CCL17: variants seen among roughly 807,000 people sequenced by gnomAD.
CCL17 encodes the protein C-C motif chemokine 17.
CCL17 carries 8 observed loss-of-function variants against 7.4 expected under a neutral mutation model. That is an observed-to-expected ratio of 1.09 (90% CI 0.64 to 1.96). The LOEUF (loss-of-function observed/expected upper bound fraction) is 1.96. Among genes scored for constraint, CCL17 ranks in the 30% most tolerant of loss-of-function variants. The pLI is 0.00. For synonymous variants in CCL17, 40 were observed against 46.1 expected (o/e 0.87, Z 0.54); for missense variants, 102 against 113.0 (o/e 0.90, Z 0.44).
At chr16:57,401,533 A>G (rs1305331162), upstream of CCL17, among the ~76,000 whole-genome samples, 6 of 152,110 alleles carry the variant, frequency 3.9e-5, no homozygotes, top group Non-Finnish European at 8.8e-5. Flanking sequence ...GGAAAAAAAA[A>G]AAAAAAGAAA....
In CCL17 at chr16:57,413,876, T is replaced by C; in HGVS notation, c.-57T>C. On this transcript the variant is annotated splice_region_variant and 5_prime_UTR_variant, in exon 2 of 4. Coordinates refer to ENST00000219244, the MANE Select transcript of CCL17 (RefSeq NM_002987.3). ...CTGCCACCCTCGACTCTCAGCAGGG[T>C]GTCTCCCTGAGCAGAGGGACCTGCA... The C allele has an allele frequency of 2.7e-6, 4 of 1,480,972 alleles. No individual in the cohort carries two copies. The highest frequency in any genetic ancestry group is 2.5e-5 in the South Asian group (2 of 81,598). The allele number at this position is 1,480,972 out of a possible 1,614,324, so 91.7% of individuals were successfully genotyped here. A position where few individuals can be genotyped will look rare whatever the true frequency, so the allele number is the denominator to read the frequency against.
At chr16:57,403,829 G>A (rs1902656853), upstream of CCL17, among the ~76,000 whole-genome samples, 1 of 148,426 alleles carries the variant, frequency 6.7e-6, no homozygotes, top group Non-Finnish European at 1.5e-5. Flanking sequence ...GCTGATTTTT[G>A]TATTTTTAGT....
intron 1 of CCL17, among the ~76,000 whole-genome samples, chr16:57,407,895 C>T (rs138961953): frequency 2.5e-3 from 385 of 151,994 alleles, no homozygotes; most frequent in African/African-American, 9.0e-3. Context: ...ATCTACCCAT[C>T]CGTTCATCCA....
chr16:57,410,714 C>T (rs1443700312), intron 1 of CCL17, among the ~76,000 whole-genome samples: 2 of 152,202 alleles, frequency 1.3e-5, no homozygotes, highest in South Asian at 2.1e-4. Flanking sequence ...GGGATAAACT[C>T]GGTTAATCCC....
rs756675857 is a variant in CCL17, at chr16:57,415,205, C to A, written c.188+7C>A. The A allele has an allele frequency of 6.4e-7, 1 of 1,553,666 alleles. No individual in the cohort carries two copies. The highest frequency in any genetic ancestry group is 8.9e-7 in the Non-Finnish European group (1 of 1,124,938). On this transcript the variant is annotated splice_region_variant and intron_variant, in intron 3 of 3. Transcript: ENST00000219244. This position sits in a 1 kb window ranked among gnomAD's most constrained non-coding sequence, Gnocchi z 4.5. ...GCTCCAGGGATGCCATCGTGTAAGT[C>A]CCCCTGGCTCCACCCCTGCTCCTCA... is the stretch of plus-strand genomic sequence containing the variant.
chr16:57,398,458 T>C, the CCL17 span, among the ~76,000 whole-genome samples: 5 of 152,344 alleles, frequency 3.3e-5, no homozygotes, highest in South Asian at 6.2e-4. Context: ...TTTTGAAGGC[T>C]GTTTCTGCCT....
At chr16:57,397,943 G>T in the CCL17 span, among the ~76,000 whole-genome samples, 1 of 152,150 alleles carries the variant, frequency 6.6e-6, no homozygotes, top group Non-Finnish European at 1.5e-5. Context: ...GTCAGGATTA[G>T]CTAAGGGGAC....
At chr16:57,409,108 G>A (rs1902745265) in intron 1 of CCL17, among the ~76,000 whole-genome samples, 1 of 152,226 alleles carries the variant, frequency 6.6e-6, no homozygotes, top group Admixed American at 6.5e-5. Context: ...AGTCTTTTGT[G>A]TGAGTCCCAA....
the CCL17 span, among the ~76,000 whole-genome samples, chr16:57,399,243 A>G: frequency 3.3e-5 from 5 of 152,126 alleles, no homozygotes; most frequent in South Asian, 6.2e-4. Context: ...ACCTGTTTCC[A>G]GGTGCTTATA....
At chr16:57,399,610 C>T in the CCL17 span, among the ~76,000 whole-genome samples, 2 of 152,140 alleles carry the variant, frequency 1.3e-5, no homozygotes, top group South Asian at 2.1e-4. Context: ...GCCACCTTGC[C>T]CAGCTAATTT....
intron 1 of CCL17, among the ~76,000 whole-genome samples, chr16:57,412,223 A>G (rs1902795671): frequency 2.0e-5 from 3 of 152,206 alleles, no homozygotes; most frequent in Admixed American, 2.0e-4. Context: ...GAGGTCATAT[A>G]GAGGATGCTG....
At position 57,415,636 on chromosome 16, in the gene CCL17, G is replaced by A. The variant is rs1884027302; in HGVS notation, c.189-129G>A. The A allele has an allele frequency of 1.5e-6, 1 of 660,128 alleles. No homozygotes were observed. The highest frequency in any genetic ancestry group is 2.7e-5 in the East Asian group (1 of 36,740). The allele number at this position is 660,128 out of a possible 1,614,324, so 40.9% of individuals were successfully genotyped here. A position where few individuals can be genotyped will look rare whatever the true frequency, so the allele number is the denominator to read the frequency against. The stretch of plus-strand genomic sequence containing the variant: ...GTCCCAGATCTGCCACCAATGCCCT[G>A]TGTGACAGCAGCAACTTCCTGCCCC... On this transcript the variant is annotated intron_variant, in intron 3 of 3. Coordinates refer to ENST00000219244, the MANE Select transcript of CCL17 (RefSeq NM_002987.3). This position sits in a 1 kb window ranked among gnomAD's most constrained non-coding sequence, Gnocchi z 4.5.
At chr16:57,414,976 C>T (rs1405279172) in intron 2 of CCL17, 105 bp from the exon 3 acceptor site, 6 of 753,090 alleles carry the variant, frequency 8.0e-6, no homozygotes, top group Admixed American at 1.7e-5. Context: ...CACAGATGCA[C>T]ACATGGACAC....
At chr16:57,403,204 AAT>A (rs370470016), upstream of CCL17, among the ~76,000 whole-genome samples, 62 of 9,562 alleles carry the variant, frequency 6.5e-3, no homozygotes, top group African/African-American at 0.013. Flanking sequence ...TATTATCTAT[AAT>A]ATATATAATA....
At chr16:57,403,642 A>AAT, upstream of CCL17, among the ~76,000 whole-genome samples, 1 of 76,788 alleles carries the variant, frequency 1.3e-5, no homozygotes, top group Non-Finnish European at 2.3e-5. Flanking sequence ...ATATATTATA[A>AAT]ATATATATAA....
chr16:57,412,459 G>A (rs973974452), intron 1 of CCL17, among the ~76,000 whole-genome samples: 9 of 152,186 alleles, frequency 5.9e-5, no homozygotes, highest in African/African-American at 2.2e-4. Context: ...GTTTCCACAG[G>A]TATCCCCAGA....
chr16:57,397,623 C>A, the CCL17 span, among the ~76,000 whole-genome samples: 1 of 152,192 alleles, frequency 6.6e-6, no homozygotes, highest in Admixed American at 6.5e-5. Context: ...GCACTGCATG[C>A]GATAACTCCA....
intron 1 of CCL17, among the ~76,000 whole-genome samples, chr16:57,413,317 G>A (rs1193638948): frequency 1.3e-5 from 2 of 152,164 alleles, no homozygotes; most frequent in Admixed American, 6.5e-5. Flanking sequence ...ATAAAGCATG[G>A]ATCTCCCTGC....
upstream of CCL17, among the ~76,000 whole-genome samples, chr16:57,403,554 T>TATATATAATATATATTATA (rs1555511508): frequency 7.0e-5 from 2 of 28,486 alleles, no homozygotes; most frequent in African/African-American, 5.7e-4. Flanking sequence ...ATATATTTTA[T>TATATATAATATATATTATA]ATATATATAA....
Sources: gnomAD v4.1 joint callset for allele counts (sites outside exome capture counted in the v4.1 genomes callset) on GRCh38, gnomAD v4.1.1 for gene constraint, Gnocchi (gnomAD v3.1) non-coding constraint, MANE v1.5 for transcripts, NCBI Gene and HGNC (gene_info 2026-07-23, HGNC 2026-07-21) for gene names.